Variants in PDE10A observed in about 807,000 individuals in gnomAD.
PDE10A encodes the protein cAMP and cAMP-inhibited cGMP 3',5'-cyclic phosphodiesterase 10A.
PDE10A carries 39 observed loss-of-function variants against 97.7 expected under a neutral mutation model. The observed-to-expected ratio is 0.40, with a 90% CI of 0.31 to 0.52. PDE10A has a LOEUF of 0.52. Ranked by LOEUF, PDE10A falls within the 20% of genes least tolerant of loss-of-function variation. PDE10A has a pLI of 0.56. For synonymous variants in PDE10A, 371 were observed against 376.8 expected (o/e 0.98, Z 0.18); for missense variants, 731 against 1,047.8 (o/e 0.70, Z 4.17).
At chr6:165,831,409 A>T (rs1779911121) in intron 1 of PDE10A, among the ~76,000 whole-genome samples, 1 of 144,284 alleles carries the variant, frequency 6.9e-6, no homozygotes, top group Non-Finnish European at 1.5e-5. Context: ...ATTGCCCAGG[A>T]TAAGAATTCA....
rs1422254870 is a variant in PDE10A, at chr6:165,418,789, T to C, written c.1654-12A>G. 2.7e-5 allele frequency: 44 copies of C among 1,609,268 alleles called. No homozygotes were observed. Among genetic ancestry groups the C allele is most frequent in the Non-Finnish European group, 3.5e-5 (41 of 1,177,762 alleles). On this transcript the variant is annotated splice_polypyrimidine_tract_variant and intron_variant, in intron 10 of 21. Coordinates refer to ENST00000539869, the MANE Select transcript of PDE10A (RefSeq NM_001385079.1). This position sits in a 1 kb window ranked among gnomAD's most constrained non-coding sequence, Gnocchi z 4.8. ...TTTTTTGCATATATCTAAAGACAAA[T>C]GACAAAATAAGAGGAAGACAATGAG...
At chr6:165,576,352 T>A in intron 1 of PDE10A, 7 of 778,438 alleles carry the variant, frequency 9.0e-6, no homozygotes, top group South Asian at 5.4e-5. Flanking sequence ...CTAGTTTGCT[T>A]CCTGTCTATC....
At chr6:165,783,548 A>G (rs1778401693) in intron 1 of PDE10A, among the ~76,000 whole-genome samples, 1 of 151,712 alleles carries the variant, frequency 6.6e-6, no homozygotes, top group Non-Finnish European at 1.5e-5. Flanking sequence ...AGTGGTGGAC[A>G]TTGTTCACAG....
At chr6:165,748,686 C>T (rs536115302) in intron 1 of PDE10A, among the ~76,000 whole-genome samples, 4 of 152,150 alleles carry the variant, frequency 2.6e-5, no homozygotes, top group African/African-American at 9.7e-5. Flanking sequence ...GGATGAGGGG[C>T]GGTCATCTGG....
At chr6:165,381,086 T>A (rs1229988290) in intron 17 of PDE10A, among the ~76,000 whole-genome samples, 1 of 152,240 alleles carries the variant, frequency 6.6e-6, no homozygotes, top group Non-Finnish European at 1.5e-5. Context: ...TGTTAAATTA[T>A]AATATATAAA....
chr6:165,571,689 C>G (rs992335350), intron 1 of PDE10A, among the ~76,000 whole-genome samples: 3 of 152,236 alleles, frequency 2.0e-5, no homozygotes, highest in Non-Finnish European at 4.4e-5. Context: ...AATCCCCATT[C>G]TTAAGTGTTT....
chr6:165,951,791 A>G (rs755962836), intron 1 of PDE10A, among the ~76,000 whole-genome samples: 7 of 152,252 alleles, frequency 4.6e-5, no homozygotes, highest in Middle Eastern at 3.4e-3. Flanking sequence ...TTCTCCATGC[A>G]AGTGGTGACC....
intron 1 of PDE10A, among the ~76,000 whole-genome samples, chr6:165,825,257 C>T (rs972962604): frequency 4.9e-4 from 75 of 152,140 alleles, no homozygotes; most frequent in African/African-American, 1.6e-3. Flanking sequence ...GCTCAAATTT[C>T]CTCACACAAG....
intron 21 of PDE10A, among the ~76,000 whole-genome samples, chr6:165,333,430 A>T (rs943608405): frequency 1.3e-5 from 2 of 152,138 alleles, no homozygotes; most frequent in Non-Finnish European, 2.9e-5. Context: ...TTGAACAGGG[A>T]AAGAGCCCTA....
At chr6:165,813,259 A>T in intron 1 of PDE10A, among the ~76,000 whole-genome samples, 1 of 150,546 alleles carries the variant, frequency 6.6e-6, no homozygotes, top group East Asian at 1.9e-4. Flanking sequence ...TGTGTTTAAA[A>T]ATAATCTCAT....
intron 21 of PDE10A, among the ~76,000 whole-genome samples, chr6:165,333,775 GTCA>G (rs1781480470): frequency 6.6e-6 from 1 of 152,098 alleles, no homozygotes; most frequent in Admixed American, 6.6e-5. Context: ...CACAGGCATC[GTCA>G]TCTTCTCTAA....
intron 2 of PDE10A, among the ~76,000 whole-genome samples, chr6:165,524,141 A>G (rs1410073277): frequency 6.6e-6 from 1 of 152,180 alleles, no homozygotes; most frequent in African/African-American, 2.4e-5. Context: ...CTCAGCCGGC[A>G]GAGGGCCTAT....
chr6:165,859,192 T>C (rs1361104474), intron 1 of PDE10A, among the ~76,000 whole-genome samples: 1 of 152,218 alleles, frequency 6.6e-6, no homozygotes, highest in African/African-American at 2.4e-5. Flanking sequence ...TCATGAACAC[T>C]GAAACTCACG....
In PDE10A at chr6:165,433,037, C is replaced by G; in HGVS notation, c.1428G>C (p.Leu476Phe). The G allele has an allele frequency of 6.2e-7, 1 of 1,613,728 alleles. No individual in the cohort carries two copies. Among genetic ancestry groups the G allele is most frequent in the Non-Finnish European group, 8.5e-7 (1 of 1,179,678 alleles). ...CLPIVTAIGD[L>F]IGILELYRHW... ...GCCGATACAGCTCGAGAATACCAAT[C>G]AAGTCACCAATTGCAGTGACAATTG... The change falls in exon 7 of 22, where the codon TTG becomes TTC. Residue 476 changes from leucine (L) to phenylalanine (F), a missense_variant. Physicochemically the swap from Leu to Phe is conservative, Grantham distance 22. This residue lies in a region of PDE10A where 152 missense variants were observed against 199.3 expected (regional missense o/e 0.76). Transcript: ENST00000539869.
At chr6:165,903,081 C>T (rs1782159378) in intron 1 of PDE10A, among the ~76,000 whole-genome samples, 1 of 152,192 alleles carries the variant, frequency 6.6e-6, no homozygotes, top group Non-Finnish European at 1.5e-5. Flanking sequence ...AACTCTTTGT[C>T]AAGTCCTGTT....
intron 3 of PDE10A, among the ~76,000 whole-genome samples, chr6:165,481,190 C>A (rs1464754113): frequency 6.6e-6 from 1 of 152,206 alleles, no homozygotes; most frequent in East Asian, 1.9e-4. Flanking sequence ...CACTTTTCAG[C>A]ATTTTCTGCT....
At chr6:165,605,467 A>G (rs1304383959) in intron 1 of PDE10A, among the ~76,000 whole-genome samples, 1 of 152,218 alleles carries the variant, frequency 6.6e-6, no homozygotes, top group East Asian at 1.9e-4. Flanking sequence ...CAGTTTGTTC[A>G]TGCTATTTCC....
intron 1 of PDE10A, among the ~76,000 whole-genome samples, chr6:165,798,274 T>A (rs1778880640): frequency 1.3e-5 from 2 of 152,162 alleles, no homozygotes; most frequent in Non-Finnish European, 2.9e-5. Context: ...CAGGTAAATT[T>A]TGTAAAATTG....
At chr6:165,431,560 A>G (rs985797569) in intron 7 of PDE10A, 88 bp from the exon 8 acceptor site, 18 of 400,864 alleles carry the variant, frequency 4.5e-5, no homozygotes, top group Non-Finnish European at 7.7e-5. Context: ...TATCATATGT[A>G]TAATACATAA....
Sources: gnomAD v4.1 joint callset for allele counts (sites outside exome capture counted in the v4.1 genomes callset) on GRCh38, gnomAD v4.1.1 for gene constraint, gnomAD v4.1.1 regional missense constraint, Gnocchi (gnomAD v3.1) non-coding constraint, MANE v1.5 for transcripts, NCBI Gene and HGNC (gene_info 2026-07-23, HGNC 2026-07-21) for gene names.